Variants in AOPEP observed in about 807,000 individuals in gnomAD.
AOPEP encodes aminopeptidase O.
A neutral mutation model predicts 98.1 loss-of-function variants in AOPEP; 77 were observed. That is an observed-to-expected ratio of 0.78 (90% confidence interval 0.65 to 0.95). The LOEUF is 0.95. AOPEP is among the 40% of genes least tolerant of loss of function. AOPEP has a pLI of 0.00. For missense variants in AOPEP, 1,024 were observed against 1,024.7 expected (o/e 1.00, Z 0.01); for synonymous variants, 346 against 365.3 (o/e 0.95, Z 0.60).
At chr9:94,936,537 C>T (rs1485693535) in intron 7 of AOPEP, among the ~76,000 whole-genome samples, 4 of 152,198 alleles carry the variant, frequency 2.6e-5, no homozygotes, top group Non-Finnish European at 4.4e-5. Context: ...TTTTCATCTG[C>T]TCTCACTCCA....
At chr9:94,907,054 C>G (rs931740565) in intron 5 of AOPEP, among the ~76,000 whole-genome samples, 1 of 152,166 alleles carries the variant, frequency 6.6e-6, no homozygotes, top group Non-Finnish European at 1.5e-5. Flanking sequence ...TCTTTCTGAG[C>G]CTTTGTTTCT....
intron 6 of AOPEP, among the ~76,000 whole-genome samples, chr9:94,927,482 C>T (rs1207980274): frequency 1.3e-5 from 2 of 152,330 alleles, no homozygotes; most frequent in African/African-American, 4.8e-5. Context: ...GCACATCACA[C>T]ACTTCCTGGC....
chr9:94,782,152 T>C (rs1473870399), intron 3 of AOPEP, among the ~76,000 whole-genome samples: 1 of 151,352 alleles, frequency 6.6e-6, no homozygotes, highest in Non-Finnish European at 1.5e-5. Context: ...ATCGTGCCAC[T>C]GCACTCCAGC....
intron 5 of AOPEP, among the ~76,000 whole-genome samples, chr9:94,862,549 G>T (rs1473460451): frequency 6.7e-6 from 1 of 149,980 alleles, no homozygotes; most frequent in Non-Finnish European, 1.5e-5. Context: ...GTTTGCCTGC[G>T]ACTGGTCCCC....
At chr9:95,014,448 G>A (rs1369845324) in intron 13 of AOPEP, among the ~76,000 whole-genome samples, 1 of 151,924 alleles carries the variant, frequency 6.6e-6, no homozygotes, top group Non-Finnish European at 1.5e-5. Context: ...TTCCAGCCTG[G>A]GTGACAGAGC....
intron 7 of AOPEP, among the ~76,000 whole-genome samples, chr9:94,929,552 T>A (rs1000807042): frequency 6.6e-6 from 1 of 152,248 alleles, no homozygotes; most frequent in Non-Finnish European, 1.5e-5. Context: ...AGTTGACTCA[T>A]CCATTGTTTC....
the AOPEP span, among the ~76,000 whole-genome samples, chr9:95,094,648 G>A: frequency 3.9e-5 from 6 of 152,134 alleles, no homozygotes; most frequent in African/African-American, 7.2e-5. Flanking sequence ...ATACTGTGGC[G>A]TGCTCAGGAT....
chr9:95,087,069 C>T lies in AOPEP; in HGVS notation c.*392C>T. The T allele has an allele frequency of 2.5e-6, 1 of 393,886 alleles. No individual in the cohort carries two copies. Among genetic ancestry groups the T allele is most frequent in the Non-Finnish European group, 3.5e-6 (1 of 289,190 alleles). The allele number at this position is 393,886 out of a possible 1,614,324, so 24.4% of individuals were successfully genotyped here. A position where few individuals can be genotyped will look rare whatever the true frequency, so the allele number is the denominator to read the frequency against. ...TATAATTCCAGAAAGTCACACAGCT[C>T]CTCTGTATGAGACCAGTGGGCGCCA... On this transcript the variant is annotated 3_prime_UTR_variant, in exon 17 of 17. Coordinates refer to ENST00000375315, the MANE Select transcript of AOPEP (RefSeq NM_001193329.3).
At chr9:94,926,458 C>T (rs773061718) in intron 6 of AOPEP, among the ~76,000 whole-genome samples, 7 of 152,152 alleles carry the variant, frequency 4.6e-5, no homozygotes, top group Non-Finnish European at 1.0e-4. Context: ...AGTAACTCTT[C>T]GAGATGTGAA....
chr9:95,101,287 A>T, the AOPEP span: 2 of 315,448 alleles, frequency 6.3e-6, no homozygotes, highest in Non-Finnish European at 1.2e-5. Context: ...AGAGTCTAAA[A>T]AGAGCTAAGT....
chr9:94,964,963 A>C (rs1303767086), intron 9 of AOPEP, among the ~76,000 whole-genome samples: 2 of 152,200 alleles, frequency 1.3e-5, no homozygotes, highest in African/African-American at 4.8e-5. Context: ...GATTTTTAAG[A>C]ATCAAAAATC....
intron 3 of AOPEP, among the ~76,000 whole-genome samples, chr9:94,781,750 C>T (rs1211949555): frequency 9.9e-5 from 15 of 150,908 alleles, no homozygotes; most frequent in Admixed American, 7.9e-4. Flanking sequence ...TTAGCAGAGA[C>T]GGGGTTTCAC....
chr9:94,847,203 C>T (rs928282449), intron 5 of AOPEP, among the ~76,000 whole-genome samples: 29 of 152,006 alleles, frequency 1.9e-4, no homozygotes, highest in Non-Finnish European at 3.2e-4. Context: ...CTCTCTCTCT[C>T]CACACATCCC....
At chr9:94,921,974 G>A (rs921154766) in intron 5 of AOPEP, among the ~76,000 whole-genome samples, 7 of 152,250 alleles carry the variant, frequency 4.6e-5, no homozygotes, top group Admixed American at 3.9e-4. Context: ...TTCTGGCAAC[G>A]CTGGGTCCTG....
the AOPEP span, chr9:95,107,304 A>T: frequency 2.5e-6 from 4 of 1,600,466 alleles, no homozygotes; most frequent in Admixed American, 5.1e-5. Context: ...AGAGGTTAGG[A>T]AGAGGCAGGA....
intron 14 of AOPEP, among the ~76,000 whole-genome samples, chr9:95,065,789 G>C (rs560772900): frequency 6.6e-6 from 1 of 152,184 alleles, no homozygotes; most frequent in African/African-American, 2.4e-5. Context: ...GCATTAGGCC[G>C]TTTCTCACAG....
chr9:94,746,869 A>G (rs1033731418), intron 1 of AOPEP, among the ~76,000 whole-genome samples: 3 of 150,892 alleles, frequency 2.0e-5, no homozygotes, highest in African/African-American at 7.3e-5. Flanking sequence ...CACATTTTAG[A>G]CCCCCTCCCC....
rs868418033 is a variant in AOPEP, at chr9:95,004,964, C to G, written c.1978-194C>G. 36 of 146,934 alleles carry G rather than the reference C, an allele frequency of 2.5e-4. No homozygotes were observed. In the South Asian group the frequency reaches 7.0e-3, roughly 29 times the overall value. The allele number at this position is 146,934 out of a possible 1,614,324, so 9.1% of individuals were successfully genotyped here. ...CCCGCCCGCGCCGCCGCCCAGGCCC[C>G]GCGCCCGCCGCCCGCGCCGCGCCTG... On this transcript the variant is annotated intron_variant, in intron 11 of 16. Coordinates refer to ENST00000375315, the MANE Select transcript of AOPEP (RefSeq NM_001193329.3).
At chr9:95,143,408 T>C in the AOPEP span, among the ~76,000 whole-genome samples, 1 of 152,126 alleles carries the variant, frequency 6.6e-6, no homozygotes, top group African/African-American at 2.4e-5. Context: ...GTTGGTTCCT[T>C]TGGCTACCAG....
Sources: allele counts gnomAD v4.1 joint callset (sites outside exome capture counted in the v4.1 genomes callset), GRCh38; gene constraint gnomAD v4.1.1; transcripts MANE v1.5; gene names NCBI Gene and HGNC (gene_info 2026-07-23, HGNC 2026-07-21).